FRMD5: variants seen among roughly 807,000 people sequenced by gnomAD.
The protein encoded by FRMD5 is FERM domain containing 5.
A neutral mutation model predicts 69.0 loss-of-function variants in FRMD5; 20 were observed. The observed-to-expected ratio is 0.29, with a 90% CI of 0.20 to 0.42. The LOEUF (loss-of-function observed/expected upper bound fraction) is 0.42, where lower values mean the gene tolerates loss of function less well. Ranked by LOEUF, FRMD5 falls within the 10% of genes least tolerant of loss-of-function variation. The probability of loss-of-function intolerance (pLI) is 1.00; values close to 1 mark genes in which losing one functional copy is unlikely to be tolerated. For synonymous variants in FRMD5, 271 were observed against 260.1 expected (o/e 1.04, Z -0.40); for missense variants, 595 against 708.6 (o/e 0.84, Z 1.82).
intron 1 of FRMD5, chr15:44,194,130 T>C (rs778652703): frequency 7.9e-5 from 12 of 152,220 alleles, no homozygotes; most frequent in Non-Finnish European, 1.6e-4. Context: ...CTACTACTCC[T>C]GACGTGCACA....
At chr15:43,883,527 C>T (rs1348941845) in intron 13 of FRMD5, among the ~76,000 whole-genome samples, 176 bp downstream of exon 13, 1 of 152,228 alleles carries the variant, frequency 6.6e-6, no homozygotes, top group Non-Finnish European at 1.5e-5. Context: ...ACCCACACCC[C>T]TTTACCCTGT....
At chr15:43,914,723 C>CTTTTTTTTTTTT (rs533023960) in intron 4 of FRMD5, among the ~76,000 whole-genome samples, 24 of 109,368 alleles carry the variant, frequency 2.2e-4, no homozygotes, top group African/African-American at 7.0e-4. Flanking sequence ...AGGTGACTAC[C>CTTTTTTTTTTTT]TTTTTTTTTT....
chr15:43,899,337 T>A (rs2088989641), intron 7 of FRMD5, among the ~76,000 whole-genome samples: 1 of 152,080 alleles, frequency 6.6e-6, no homozygotes, highest in South Asian at 2.1e-4. Flanking sequence ...GGCCCTGACA[T>A]GGCCCTGGGT....
chr15:44,177,640 T>C (rs2077921731), intron 1 of FRMD5, among the ~76,000 whole-genome samples: 2 of 152,168 alleles, frequency 1.3e-5, no homozygotes, highest in African/African-American at 4.8e-5. Context: ...TTAGATATCT[T>C]GATGGTTGCA....
At chr15:43,980,661 C>T (rs542540633) in intron 1 of FRMD5, among the ~76,000 whole-genome samples, 1 of 152,234 alleles carries the variant, frequency 6.6e-6, no homozygotes, top group Admixed American at 6.5e-5. Flanking sequence ...AATTTAAATA[C>T]CCAAACCACA....
chr15:44,105,650 TTAC>T (rs1322608758), intron 1 of FRMD5, among the ~76,000 whole-genome samples: 2 of 152,224 alleles, frequency 1.3e-5, no homozygotes, highest in Non-Finnish European at 2.9e-5. Flanking sequence ...AGAGTTCACT[TTAC>T]TACTATTTAT....
At chr15:44,164,439 C>T (rs2077675261) in intron 1 of FRMD5, among the ~76,000 whole-genome samples, 1 of 151,892 alleles carries the variant, frequency 6.6e-6, no homozygotes, top group Non-Finnish European at 1.5e-5. Flanking sequence ...GGATCAGGGA[C>T]CACATAGAAG....
intron 5 of FRMD5, among the ~76,000 whole-genome samples, chr15:43,906,763 G>C (rs1268208685): frequency 7.3e-6 from 1 of 136,624 alleles, no homozygotes; most frequent in Non-Finnish European, 1.5e-5. Context: ...CACCTCGCCC[G>C]GCTGATTTTT....
At chr15:44,066,515 G>C (rs1893317019) in intron 1 of FRMD5, among the ~76,000 whole-genome samples, 1 of 152,150 alleles carries the variant, frequency 6.6e-6, no homozygotes, top group Admixed American at 6.6e-5. Flanking sequence ...CAGGCATTCT[G>C]GGGAAAAGGC....
chr15:43,895,109 G>C (rs1231765088), intron 7 of FRMD5, among the ~76,000 whole-genome samples: 6 of 152,168 alleles, frequency 3.9e-5, no homozygotes, highest in Admixed American at 3.9e-4. Context: ...TATTATTATA[G>C]CTGCTACTAG....
chr15:44,163,707 T>C (rs912453399), intron 1 of FRMD5, among the ~76,000 whole-genome samples: 2 of 152,198 alleles, frequency 1.3e-5, no homozygotes, highest in Non-Finnish European at 1.5e-5. Flanking sequence ...TATTCATTCT[T>C]TACCAGACTT....
At position 43,905,919 on chromosome 15, in the gene FRMD5, G is replaced by T; in HGVS notation, c.460C>A (p.Pro154Thr). 1 of 1,614,146 alleles carries T rather than the reference G, an allele frequency of 6.2e-7. No homozygotes were observed. Among genetic ancestry groups the T allele is most frequent in the African/African-American group, 1.3e-5 (1 of 75,042 alleles). ...TGGAACTTGGAGCTGTAGCCTTCAGGGTGTTTCCCTGAGTCATAATCCCCA... is the reference window on the plus strand; with the variant it reads ...TGGAACTTGGAGCTGTAGCCTTCAGTGTGTTTCCCTGAGTCATAATCCCCA... ...EIGDYDSGKH[P>T]EGYSSKFQFF... Residue 154 changes from proline to threonine, a missense_variant, in exon 6 of 14, where the codon CCT becomes ACT. Around this residue, in one of 5 missense-constraint regions of FRMD5, gnomAD observed 51 missense variants for 41.7 expected, o/e 1.22. Transcript: ENST00000417257.
At chr15:43,880,801 G>T (rs551239023) in intron 13 of FRMD5, among the ~76,000 whole-genome samples, 10 of 152,300 alleles carry the variant, frequency 6.6e-5, no homozygotes, top group Non-Finnish European at 1.2e-4. Context: ...CCTGGCCCTA[G>T]GGGGCCTATA....
intron 1 of FRMD5, among the ~76,000 whole-genome samples, chr15:44,111,271 T>C (rs2140585870): frequency 6.6e-6 from 1 of 152,344 alleles, no homozygotes; most frequent in African/African-American, 2.4e-5. Flanking sequence ...AGCTAATTTT[T>C]TCTTGAACAG....
At chr15:43,976,201 T>C (rs2090460316) in intron 1 of FRMD5, among the ~76,000 whole-genome samples, 1 of 151,260 alleles carries the variant, frequency 6.6e-6, no homozygotes, top group African/African-American at 2.4e-5. Context: ...TTTGTAACCT[T>C]GGATTAGGCA....
chr15:44,112,628 T>C (rs1374284537), intron 1 of FRMD5, among the ~76,000 whole-genome samples: 2 of 151,830 alleles, frequency 1.3e-5, no homozygotes, highest in Non-Finnish European at 2.9e-5. Flanking sequence ...CACCATGCCC[T>C]GCTAATTTTT....
intron 1 of FRMD5, among the ~76,000 whole-genome samples, chr15:44,052,249 T>C (rs1892700743): frequency 6.6e-6 from 1 of 152,206 alleles, no homozygotes; most frequent in South Asian, 2.1e-4. Context: ...AATACTACTT[T>C]ATTTTGTTGC....
intron 1 of FRMD5, among the ~76,000 whole-genome samples, chr15:44,075,789 G>A (rs139991979): frequency 3.3e-5 from 5 of 152,256 alleles, no homozygotes; most frequent in East Asian, 3.9e-4. Context: ...GCAGGAGCTC[G>A]TGAAAGCACA....
chr15:44,000,269 G>T (rs1890152925), intron 1 of FRMD5, among the ~76,000 whole-genome samples: 1 of 151,902 alleles, frequency 6.6e-6, no homozygotes, highest in Non-Finnish European at 1.5e-5. Flanking sequence ...TTACAGGTGT[G>T]AGCCACTGCA....
Sources: allele counts gnomAD v4.1 joint callset (sites outside exome capture counted in the v4.1 genomes callset), GRCh38; gene constraint gnomAD v4.1.1; regional missense constraint gnomAD v4.1.1; transcripts MANE v1.5; gene names NCBI Gene and HGNC (gene_info 2026-07-23, HGNC 2026-07-21).